Variants in UCHL3 observed in about 807,000 individuals in gnomAD.
The protein encoded by UCHL3 is ubiquitin carboxyl-terminal hydrolase isozyme L3.
UCHL3 carries 22 observed loss-of-function variants against 35.8 expected under a neutral mutation model. That is an observed-to-expected ratio of 0.61 (90% CI 0.44 to 0.88). UCHL3 has a LOEUF of 0.88. Among genes scored for constraint, UCHL3 ranks in the 40% least tolerant of loss-of-function variants. The pLI is 0.00. For synonymous variants in UCHL3, 90 were observed against 92.8 expected (o/e 0.97, Z 0.17); for missense variants, 229 against 276.9 (o/e 0.83, Z 1.23).
chr13:75,592,446 A>ATATACATATATATATATATGTATATATG (rs1555276764), intron 6 of UCHL3, among the ~76,000 whole-genome samples: 2,516 of 71,052 alleles, frequency 0.035, 225 homozygotes, highest in Non-Finnish European at 0.057. Context: ...ATATATATAT[A>ATATACATATATATATATATGTATATATG]TATATATATA....
chr13:75,561,855 GTATACATATATACA>G (rs1252107898), intron 3 of UCHL3, among the ~76,000 whole-genome samples: 1 of 58,730 alleles, frequency 1.7e-5, no homozygotes, highest in African/African-American at 4.2e-5. Flanking sequence ...GTATACATAC[GTATACATATATACA>G]TACGTATATA....
chr13:75,555,748 T>A (rs1024529737), intron 2 of UCHL3, among the ~76,000 whole-genome samples: 9 of 152,192 alleles, frequency 5.9e-5, no homozygotes, highest in African/African-American at 2.2e-4. Flanking sequence ...TAAAAAACTC[T>A]TTAAATTAAA....
chr13:75,577,587 A>G (rs905731119), intron 6 of UCHL3, among the ~76,000 whole-genome samples: 2 of 152,216 alleles, frequency 1.3e-5, no homozygotes, highest in African/African-American at 4.8e-5. Flanking sequence ...ACTGTAGAAT[A>G]GTAAGATTGG....
intron 6 of UCHL3, among the ~76,000 whole-genome samples, chr13:75,582,075 C>T (rs916679447): frequency 2.6e-5 from 4 of 152,178 alleles, no homozygotes; most frequent in African/African-American, 7.2e-5. Flanking sequence ...GGCTTTCACA[C>T]TCACTAGTTA....
At chr13:75,551,317 G>A (rs1223247919) in intron 2 of UCHL3, among the ~76,000 whole-genome samples, 1 of 152,088 alleles carries the variant, frequency 6.6e-6, no homozygotes, top group African/African-American at 2.4e-5. Flanking sequence ...TGTAATCCCG[G>A]GTACTTGGGA....
At chr13:75,565,059 GA>G (rs1388663948) in intron 3 of UCHL3, among the ~76,000 whole-genome samples, 14 of 152,176 alleles carry the variant, frequency 9.2e-5, no homozygotes, top group African/African-American at 3.4e-4. Context: ...CATAGGCAAA[GA>G]GGCTATAAAT....
intron 2 of UCHL3, among the ~76,000 whole-genome samples, chr13:75,555,361 T>C (rs1384669697): frequency 1.3e-5 from 2 of 152,230 alleles, no homozygotes; most frequent in Non-Finnish European, 2.9e-5. Context: ...TTTATGTGTA[T>C]ACTTGTTTAT....
chr13:75,574,207 G>T (rs1214025717), intron 6 of UCHL3, among the ~76,000 whole-genome samples: 1 of 151,046 alleles, frequency 6.6e-6, no homozygotes, highest in Non-Finnish European at 1.5e-5. Flanking sequence ...AACAGAAGGA[G>T]ACTCCATCTC....
intron 6 of UCHL3, among the ~76,000 whole-genome samples, chr13:75,581,966 T>C (rs556072450): frequency 5.9e-5 from 9 of 152,294 alleles, no homozygotes; most frequent in African/African-American, 1.4e-4. Flanking sequence ...GTAATAGATG[T>C]GCCCTTATGA....
intron 6 of UCHL3, among the ~76,000 whole-genome samples, chr13:75,582,972 G>A (rs2032225716): frequency 6.6e-6 from 1 of 152,068 alleles, no homozygotes; most frequent in Admixed American, 6.5e-5. Context: ...TATATATGAT[G>A]TACACTGTTA....
Position 75,549,853 on chromosome 13 carries a change from C to A in UCHL3, c.33C>A (p.Ala11=), listed in dbSNP as rs1286766954. Reference sequence around the variant, plus strand: ...GTCAACGCTGGCTGCCGCTGGAGGCCAATCCCGAGGTGGGCGCGCTTCGGG... The same window carrying A: ...GTCAACGCTGGCTGCCGCTGGAGGCAAATCCCGAGGTGGGCGCGCTTCGGG... MEGQRWLPLE[A]NPEVTNQFLK... Residue 11 remains alanine, a synonymous_variant, in exon 1 of 9, where the codon GCC becomes GCA. Transcript: ENST00000377595. 1.9e-6 allele frequency: 3 copies of A among 1,606,138 alleles called. No individual in the cohort carries two copies. Among genetic ancestry groups the A allele is most frequent in the African/African-American group, 1.3e-5 (1 of 74,796 alleles).
chr13:75,564,251 C>T (rs895086599), intron 3 of UCHL3, among the ~76,000 whole-genome samples: 9 of 151,378 alleles, frequency 5.9e-5, no homozygotes, highest in East Asian at 2.0e-4. Flanking sequence ...CCTGGGTTCG[C>T]GCCATTCTCC....
At chr13:75,605,120 T>G (rs2032899726) in intron 8 of UCHL3, among the ~76,000 whole-genome samples, 1 of 152,236 alleles carries the variant, frequency 6.6e-6, no homozygotes. Flanking sequence ...TGTATCTTGA[T>G]CCTGATTTTA....
Position 75,594,907 on chromosome 13 carries a change from T to C in UCHL3, c.475-8T>C. On this transcript the variant is annotated splice_region_variant and splice_polypyrimidine_tract_variant and intron_variant, in intron 6 of 8. Coordinates refer to ENST00000377595, the MANE Select transcript of UCHL3 (RefSeq NM_006002.5). ...GTATATAATACCTATTTTTCCCTCC[T>C]ATTCCAGGCACCAAGTATAGATGAG... The C allele has an allele frequency of 6.2e-7, 1 of 1,604,048 alleles. No homozygotes were observed.
chr13:75,569,547 TAACCATA>T lies in UCHL3; in HGVS notation c.474+41_474+47del, dbSNP rs758541008. ...TTCTAAATTTTTCTTGCTATAAATTTAACCATATAAATTTCTTGCTGTAAATTTAACC... is the reference window on the plus strand; with the variant it reads ...TTCTAAATTTTTCTTGCTATAAATTTTAAATTTCTTGCTGTAAATTTAACC... On this transcript the variant is annotated intron_variant, in intron 6 of 8. Transcript: ENST00000377595. The T allele has an allele frequency of 1.9e-6, 3 of 1,548,926 alleles. No individual in the cohort carries two copies. The Admixed American group carries it at 5.5e-5, about 28-fold the overall frequency.
chr13:75,596,367 G>A (rs2032646275), intron 7 of UCHL3, among the ~76,000 whole-genome samples: 1 of 152,086 alleles, frequency 6.6e-6, no homozygotes, highest in Non-Finnish European at 1.5e-5. Flanking sequence ...TTTTGAAGAT[G>A]TGCCTTGCTA....
intron 3 of UCHL3, 89 bp downstream of exon 3, chr13:75,560,970 G>A (rs2031474558): frequency 7.9e-7 from 1 of 1,262,030 alleles, no homozygotes; most frequent in South Asian, 1.7e-5. Flanking sequence ...TCGCTCTGTT[G>A]CCTAGGCTGG....
chr13:75,583,487 A>C (rs2032241616), intron 6 of UCHL3, among the ~76,000 whole-genome samples: 1 of 152,210 alleles, frequency 6.6e-6, no homozygotes, highest in African/African-American at 2.4e-5. Flanking sequence ...AATAATTATA[A>C]TATGTACCTT....
At chr13:75,590,996 C>T (rs1473976418) in intron 6 of UCHL3, among the ~76,000 whole-genome samples, 1 of 152,056 alleles carries the variant, frequency 6.6e-6, no homozygotes, top group African/African-American at 2.4e-5. Context: ...TTTGGCAGAG[C>T]CTCCCTAGAA....
Sources: allele counts gnomAD v4.1 joint callset (sites outside exome capture counted in the v4.1 genomes callset), GRCh38; gene constraint gnomAD v4.1.1; transcripts MANE v1.5; gene names NCBI Gene and HGNC (gene_info 2026-07-23, HGNC 2026-07-21).